Variants in CIBAR2 observed in about 807,000 individuals in gnomAD.
CIBAR2 encodes the protein CBY1 interacting BAR domain containing 2, also known as CBY1-interacting BAR domain-containing protein 2.
Under a neutral mutation model 36.2 loss-of-function variants are expected in CIBAR2, and 38 were observed. That is an observed-to-expected ratio of 1.05 (90% CI 0.81 to 1.38). The LOEUF (loss-of-function observed/expected upper bound fraction) is 1.38. CIBAR2 is among the 40% of genes most tolerant of loss of function. CIBAR2 has a pLI of 0.00. For missense variants in CIBAR2, 481 were observed against 383.4 expected (o/e 1.25, Z -2.13); for synonymous variants, 182 against 149.5 (o/e 1.22, Z -1.58).
chr16:85,107,201 T>G (rs2074003022), intron 5 of CIBAR2, among the ~76,000 whole-genome samples: 1 of 151,954 alleles, frequency 6.6e-6, no homozygotes, highest in Non-Finnish European at 1.5e-5. Context: ...CAGTCACAAA[T>G]CAGTTACACA....
At chr16:85,108,221 G>T in intron 2 of CIBAR2, 122 bp from the exon 3 acceptor site, 1 of 853,072 alleles carries the variant, frequency 1.2e-6, no homozygotes, top group Non-Finnish European at 1.8e-6. Context: ...GGGAGGTGGA[G>T]CGCGAGGTGC....
intron 1 of CIBAR2, among the ~76,000 whole-genome samples, chr16:85,111,179 G>T (rs551393517): frequency 1.7e-4 from 26 of 152,070 alleles, no homozygotes; most frequent in Non-Finnish European, 2.6e-4. Context: ...CTCTCTCCCT[G>T]TGACCAAAGT....
chr16:85,106,373 C>T (rs796079580), intron 5 of CIBAR2, among the ~76,000 whole-genome samples: 35 of 152,262 alleles, frequency 2.3e-4, no homozygotes, highest in African/African-American at 7.7e-4. Context: ...TGTCAATATG[C>T]CCCTTCCAAG....
Position 85,107,278 on chromosome 16 carries a change from G to A in CIBAR2, c.432+389C>T, listed in dbSNP as rs148056706. ...CTCCCGGCCCCTGCATCTTTCCCAC[G>A]GGGCAGGACAGTAAGACAGACAGCA... is the stretch of plus-strand genomic sequence containing the variant. On this transcript the variant is annotated intron_variant, in intron 5 of 8. Coordinates refer to ENST00000539556, the MANE Select transcript of CIBAR2 (RefSeq NM_198491.3). Among the ~76,000 whole-genome samples, 797 of 152,182 alleles carry A rather than the reference G, an allele frequency of 5.2e-3. 35 individuals carry two copies. Among genetic ancestry groups the A allele is most frequent in the Admixed American group, 0.046 (698 of 15,278 alleles).
chr16:85,107,337 G>A (rs2074004313), intron 5 of CIBAR2, among the ~76,000 whole-genome samples: 2 of 152,092 alleles, frequency 1.3e-5, no homozygotes, highest in Non-Finnish European at 2.9e-5. Flanking sequence ...TGCCCCACGA[G>A]CTCCCATAAC....
rs2074043414 is a variant in CIBAR2 at position 85,111,640 on chromosome 16, G to C, written c.20+693C>G. ...GTGTGCAGATTGCCTGAGCTCAGGA[G>C]TTCAAGACCACCCTGGGCAACATGG... On this transcript the variant is annotated intron_variant, in intron 1 of 8. Coordinates refer to ENST00000539556, the MANE Select transcript of CIBAR2 (RefSeq NM_198491.3). 2.6e-5 allele frequency among the ~76,000 whole-genome samples: 4 copies of C among 152,198 alleles called. No homozygotes were observed. The South Asian group carries it at 8.3e-4, about 31-fold the overall frequency.
chr16:85,105,028 G>A (rs943762205), intron 6 of CIBAR2, among the ~76,000 whole-genome samples: 9 of 152,224 alleles, frequency 5.9e-5, no homozygotes, highest in Non-Finnish European at 1.2e-4. Flanking sequence ...GAAGTGGGGA[G>A]TGTGTGTGGA....
At chr16:85,109,401 G>A (rs536815263) in intron 2 of CIBAR2, among the ~76,000 whole-genome samples, 11 of 152,170 alleles carry the variant, frequency 7.2e-5, no homozygotes, top group Non-Finnish European at 1.2e-4. Flanking sequence ...GGCATCGTGG[G>A]TTGTGTCTGC....
chr16:85,104,221 G>C (rs1310446471), intron 6 of CIBAR2, among the ~76,000 whole-genome samples: 1 of 152,220 alleles, frequency 6.6e-6, no homozygotes, highest in African/African-American at 2.4e-5. Context: ...CGCAGATCAA[G>C]GCACAACCCT....
intron 5 of CIBAR2, among the ~76,000 whole-genome samples, chr16:85,105,720 C>G: frequency 6.6e-6 from 1 of 152,212 alleles, no homozygotes; most frequent in East Asian, 1.9e-4. Flanking sequence ...AGTAATGAGA[C>G]TTGCTTAGCA....
At chr16:85,101,965 C>G (rs1227173412) in intron 7 of CIBAR2, among the ~76,000 whole-genome samples, 1 of 152,018 alleles carries the variant, frequency 6.6e-6, no homozygotes, top group Non-Finnish European at 1.5e-5. Flanking sequence ...ACCATGCCCC[C>G]GCCGATCCAT....
In CIBAR2 at chr16:85,098,734, C is replaced by A; in HGVS notation, c.*451G>T. On this transcript the variant is annotated 3_prime_UTR_variant, in exon 9 of 9. Coordinates refer to ENST00000539556, the MANE Select transcript of CIBAR2 (RefSeq NM_198491.3). ...GCAACATCAGTAATGATAATGGCAG[C>A]AACAAGTCTCAAGTGTTTGTTGCGC... The A allele has an allele frequency of 1.5e-6, 1 of 673,272 alleles. No homozygotes were observed. The highest frequency in any genetic ancestry group is 1.8e-6 in the Non-Finnish European group (1 of 544,790). The allele number at this position is 673,272 out of a possible 1,614,324, so 41.7% of individuals were successfully genotyped here.
intron 5 of CIBAR2, among the ~76,000 whole-genome samples, chr16:85,106,430 C>A (rs2073996304): frequency 6.6e-6 from 1 of 152,130 alleles, no homozygotes; most frequent in South Asian, 2.1e-4. Flanking sequence ...TGCTAATCAG[C>A]CATCCTTGCC....
At chr16:85,100,471 G>A (rs1025779586) in intron 7 of CIBAR2, among the ~76,000 whole-genome samples, 1 of 152,190 alleles carries the variant, frequency 6.6e-6, no homozygotes, top group African/African-American at 2.4e-5. Context: ...GAGAGGCCAG[G>A]TAACATGACC....
chr16:85,109,417 T>C (rs1434111404), intron 2 of CIBAR2, among the ~76,000 whole-genome samples: 1 of 152,214 alleles, frequency 6.6e-6, no homozygotes, highest in Non-Finnish European at 1.5e-5. Flanking sequence ...TCTGCCTGCC[T>C]GGAGAAGAGA....
intron 1 of CIBAR2, among the ~76,000 whole-genome samples, chr16:85,110,877 G>A (rs1316458142): frequency 6.6e-6 from 1 of 152,016 alleles, no homozygotes; most frequent in Non-Finnish European, 1.5e-5. Context: ...GCTAATTTTT[G>A]TATTTTTAGT....
At chr16:85,110,198 A>G in intron 2 of CIBAR2, 28 bp downstream of exon 2, 2 of 1,512,412 alleles carry the variant, frequency 1.3e-6, no homozygotes, top group Non-Finnish European at 1.8e-6. Context: ...ACCCCTCAGC[A>G]TCCCAGACCC....
At chr16:85,111,189 T>G (rs1312992321) in intron 1 of CIBAR2, among the ~76,000 whole-genome samples, 1 of 151,794 alleles carries the variant, frequency 6.6e-6, no homozygotes, top group African/African-American at 2.4e-5. Flanking sequence ...GTGACCAAAG[T>G]CCCCCGTGCA....
At chr16:85,108,670 C>G (rs113907412) in intron 2 of CIBAR2, among the ~76,000 whole-genome samples, 22,219 of 152,132 alleles carry the variant, frequency 0.15, 1,656 homozygotes, top group Middle Eastern at 0.19. Context: ...GTCAGGAGTT[C>G]AAGACCAGCC....
Sources: gnomAD v4.1 joint callset for allele counts (sites outside exome capture counted in the v4.1 genomes callset) on GRCh38, gnomAD v4.1.1 for gene constraint, MANE v1.5 for transcripts, NCBI Gene and HGNC (gene_info 2026-07-23, HGNC 2026-07-21) for gene names.